Variants in KCNN2 observed in about 807,000 individuals in gnomAD.
KCNN2 encodes small conductance calcium-activated potassium channel protein 2.
In KCNN2, 24 loss-of-function variants were observed where a neutral mutation model predicts 55.5. The ratio of observed to expected loss-of-function variants is 0.43; its 90% CI spans 0.31 to 0.61. The LOEUF (loss-of-function observed/expected upper bound fraction) is 0.61, where lower values mean the gene tolerates loss of function less well. Ranked by LOEUF, KCNN2 falls within the 20% of genes least tolerant of loss-of-function variation. The pLI, the probability that KCNN2 is intolerant of heterozygous loss-of-function variation, is 0.08. For missense variants in KCNN2, 754 were observed against 853.6 expected (o/e 0.88, Z 1.45); for synonymous variants, 431 against 336.1 (o/e 1.28, Z -3.09).
intron 2 of KCNN2, among the ~76,000 whole-genome samples, chr5:114,270,341 G>GTTAT (rs1561548010): frequency 6.6e-6 from 1 of 152,172 alleles, no homozygotes; most frequent in African/African-American, 2.4e-5. Flanking sequence ...GGACAAGAAT[G>GTTAT]CGCTAACATA....
chr5:114,216,290 C>A (rs961707938), intron 1 of KCNN2, among the ~76,000 whole-genome samples: 4 of 152,050 alleles, frequency 2.6e-5, no homozygotes, highest in African/African-American at 9.7e-5. Flanking sequence ...ATTGGACTAA[C>A]GTAGAAGATA....
Position 114,372,998 on chromosome 5 carries a change from C to T in KCNN2, c.1218+8997C>T, listed in dbSNP as rs1243212428. Among the ~76,000 whole-genome samples, 5 of 152,162 alleles carry T rather than the reference C, an allele frequency of 3.3e-5. No individual in the cohort carries two copies. In the East Asian group the frequency reaches 7.7e-4, roughly 23 times the overall value. On this transcript the variant is annotated intron_variant, in intron 2 of 7. Coordinates refer to ENST00000673685, the MANE Select transcript of KCNN2 (RefSeq NM_021614.4). ...CTTGTGATTTCCTAAGGATAAACTGCCAAGAGAGAAATTACTGAATTAAAG... is the reference window on the plus strand; with the variant it reads ...CTTGTGATTTCCTAAGGATAAACTGTCAAGAGAGAAATTACTGAATTAAAG...
chr5:114,300,763 T>C (rs1454552572), intron 2 of KCNN2, among the ~76,000 whole-genome samples: 1 of 152,200 alleles, frequency 6.6e-6, no homozygotes, highest in Non-Finnish European at 1.5e-5. Flanking sequence ...ATTACAAATA[T>C]CATTTCCCTT....
intron 2 of KCNN2, among the ~76,000 whole-genome samples, chr5:114,375,288 T>C (rs771825182): frequency 1.3e-5 from 2 of 152,142 alleles, no homozygotes; most frequent in Non-Finnish European, 1.5e-5. Flanking sequence ...TGAAGTTGTA[T>C]GCATATAATG....
chr5:114,215,734 C>G (rs1340384724), intron 1 of KCNN2, among the ~76,000 whole-genome samples: 2 of 152,088 alleles, frequency 1.3e-5, no homozygotes, highest in East Asian at 1.9e-4. Context: ...TTTCTTATAA[C>G]TAAATGAACA....
intron 2 of KCNN2, among the ~76,000 whole-genome samples, chr5:114,253,229 C>T (rs976637550): frequency 6.0e-5 from 9 of 150,168 alleles, no homozygotes; most frequent in Admixed American, 1.3e-4. Flanking sequence ...CTCCTAGTGC[C>T]TTCAACCCCT....
At chr5:114,304,140 A>G (rs1598821) in intron 2 of KCNN2, among the ~76,000 whole-genome samples, 7,020 of 152,096 alleles carry the variant, frequency 0.046, 558 homozygotes, top group African/African-American at 0.16. Context: ...CTTTAGGGCT[A>G]CTCCTGGTGG....
intron 2 of KCNN2, among the ~76,000 whole-genome samples, chr5:114,344,079 T>C (rs1395015619): frequency 6.6e-6 from 1 of 152,186 alleles, no homozygotes; most frequent in Admixed American, 6.5e-5. Flanking sequence ...ATCTCGAGTT[T>C]AGCCTGCAGA....
At chr5:114,447,707 T>A (rs1760475834) in intron 3 of KCNN2, among the ~76,000 whole-genome samples, 1 of 152,222 alleles carries the variant, frequency 6.6e-6, no homozygotes, top group Non-Finnish European at 1.5e-5. Flanking sequence ...ACCAATTTAG[T>A]GAGCCAGAAT....
chr5:114,392,927 G>T (rs1162756237), intron 2 of KCNN2, among the ~76,000 whole-genome samples: 2 of 149,928 alleles, frequency 1.3e-5, no homozygotes, highest in African/African-American at 2.5e-5. Flanking sequence ...TTGGGGCCAT[G>T]ATCCCAAAAA....
At chr5:114,472,538 G>C (rs1342079077) in intron 4 of KCNN2, among the ~76,000 whole-genome samples, 2 of 81,122 alleles carry the variant, frequency 2.5e-5, no homozygotes, top group Non-Finnish European at 5.4e-5. Flanking sequence ...TTCCTCTTGT[G>C]TGTGTGGAAC....
intron 2 of KCNN2, among the ~76,000 whole-genome samples, chr5:114,277,456 C>T (rs116728890): frequency 0.026 from 3,958 of 152,178 alleles, 166 homozygotes; most frequent in African/African-American, 0.088. Context: ...CCATTCTCCC[C>T]GTCACTTTTA....
chr5:114,177,141 G>GGT (rs377672104), intron 1 of KCNN2, among the ~76,000 whole-genome samples: 4 of 143,582 alleles, frequency 2.8e-5, no homozygotes, highest in East Asian at 2.0e-4. Context: ...TAATATGCTG[G>GGT]TTTTTTTTTT....
At chr5:114,242,322 A>T (rs1754662827) in intron 2 of KCNN2, among the ~76,000 whole-genome samples, 1 of 152,148 alleles carries the variant, frequency 6.6e-6, no homozygotes. Context: ...CATAAACAAA[A>T]TAAAAGGTAA....
At chr5:114,315,856 C>A in intron 2 of KCNN2, among the ~76,000 whole-genome samples, 1 of 151,952 alleles carries the variant, frequency 6.6e-6, no homozygotes, top group Non-Finnish European at 1.5e-5. Flanking sequence ...TGTGGAGTGA[C>A]CTTATTGGAA....
chr5:114,168,172 TATAC>T (rs1195473040), intron 1 of KCNN2, among the ~76,000 whole-genome samples: 2 of 127,150 alleles, frequency 1.6e-5, no homozygotes, highest in Non-Finnish European at 3.4e-5. Flanking sequence ...TGTGGATATA[TATAC>T]ACACACACAC....
At position 114,363,983 on chromosome 5, in the gene KCNN2, C is replaced by T. The variant is rs1286321495; in HGVS notation, c.1200C>T (p.Tyr400=). The change falls in exon 2 of 8, where the codon TAC becomes TAT. Residue 400 remains tyrosine, a synonymous_variant. Transcript: ENST00000673685. ...TCCTGCTCGGTCTGATCATCGTGTACCACGCCAGGGAAATACAGGTAACTT... is the reference window on the plus strand; with the variant it reads ...TCCTGCTCGGTCTGATCATCGTGTATCACGCCAGGGAAATACAGGTAACTT... ...TIILLGLIIV[Y]HAREIQLFMV... is the part of the protein sequence containing the mutation. 1.9e-6 allele frequency: 3 copies of T among 1,613,584 alleles called. No homozygotes were observed. The highest frequency in any genetic ancestry group is 2.5e-6 in the Non-Finnish European group (3 of 1,179,482).
intron 3 of KCNN2, among the ~76,000 whole-genome samples, chr5:114,413,262 C>CTTGTT (rs1002000419): frequency 3.3e-5 from 5 of 152,050 alleles, no homozygotes; most frequent in South Asian, 2.1e-4. Flanking sequence ...AGATATGCTT[C>CTTGTT]TTGTTTTGTT....
intron 3 of KCNN2, among the ~76,000 whole-genome samples, chr5:114,427,159 T>TTCTCCTCTTC (rs1759654063): frequency 1.3e-5 from 2 of 152,232 alleles, no homozygotes; most frequent in African/African-American, 4.8e-5. Context: ...TTCTCCTCTT[T>TTCTCCTCTTC]CAAGAGCAAA....
Sources: gnomAD v4.1 joint callset for allele counts (sites outside exome capture counted in the v4.1 genomes callset) on GRCh38, gnomAD v4.1.1 for gene constraint, MANE v1.5 for transcripts, NCBI Gene and HGNC (gene_info 2026-07-23, HGNC 2026-07-21) for gene names.